Variants in APOBR observed in about 807,000 individuals in gnomAD.
APOBR encodes apoB-48R.
Under a neutral mutation model 88.5 loss-of-function variants are expected in APOBR, and 57 were observed. The ratio of observed to expected loss-of-function variants is 0.64; its 90% CI spans 0.52 to 0.80. APOBR has a LOEUF of 0.80. Ranked by LOEUF, APOBR falls within the 30% of genes least tolerant of loss-of-function variation. The pLI is 0.00. For missense variants in APOBR, 1,443 were observed against 1,401.6 expected, an observed-to-expected ratio of 1.03 and a Z score of -0.47; for synonymous variants, 588 against 572.7, an observed-to-expected ratio of 1.03 and a Z score of -0.38.
Position 28,497,512 on chromosome 16 carries a change from G to C in APOBR, c.2471G>C (p.Ser824Thr). The C allele has an allele frequency of 1.2e-6, 2 of 1,612,606 alleles. No homozygotes were observed. The highest frequency in any genetic ancestry group is 1.7e-6 in the Non-Finnish European group (2 of 1,179,318). ...GAGGAAGAGGTGACTGGCAGAGGCA[G>C]CCAAGTAGAGGCTTTTGAGTCCAGG... ...SAEEEVTGRG[S>T]QVEAFESREG... The change falls in exon 2 of 4, where the codon AGC becomes ACC. Residue 824 changes from serine to threonine, a missense_variant. Physicochemically the swap from Ser to Thr is moderately conservative, Grantham distance 58 (BLOSUM62 1). Transcript: ENST00000564831.
At position 28,495,386 on chromosome 16, in the gene APOBR, G is replaced by A. The variant is rs1311869874; in HGVS notation, c.345G>A (p.Arg115=). The change falls in exon 2 of 4, where the codon AGG becomes AGA. Residue 115 remains arginine, a synonymous_variant. Coordinates refer to ENST00000564831, the MANE Select transcript of APOBR (RefSeq NM_018690.4). The part of the protein sequence containing the change: ...DGSSHGSQAE[R]QDSGAGETAK... ...GCTCCCATGGGTCCCAAGCAGAGAG[G>A]CAGGACAGTGGGGCTGGGGAGACAG... The A allele has an allele frequency of 1.3e-6, 2 of 1,563,532 alleles. No individual in the cohort carries two copies. Among genetic ancestry groups the A allele is most frequent in the African/African-American group, 1.4e-5 (1 of 73,756 alleles).
chr16:28,495,256 G>A lies in APOBR; in HGVS notation c.215G>A (p.Gly72Asp). Reference protein sequence around the residue: ...EAQEDLEGLRGSQNEGAGRLR... With the variant: ...EAQEDLEGLRDSQNEGAGRLR... ...CAGGAGGACCTGGAGGGCCTTAGAGGCAGCCAAAACGAGGGGGCTGGAAGG... is the reference window on the plus strand; with the variant it reads ...CAGGAGGACCTGGAGGGCCTTAGAGACAGCCAAAACGAGGGGGCTGGAAGG... Residue 72 changes from glycine to aspartate, a missense_variant, in exon 2 of 4, where the codon GGC becomes GAC. Transcript: ENST00000564831. 6.5e-7 allele frequency: 1 copy of A among 1,530,588 alleles called. No individual in the cohort carries two copies. The highest frequency in any genetic ancestry group is 8.8e-7 in the Non-Finnish European group (1 of 1,141,046). 94.8% of individuals were successfully genotyped at this position (1,530,588 alleles called of 1,614,324 possible).
intron 3 of APOBR, 36 bp from the exon 4 acceptor site, chr16:28,498,400 G>A (rs1214568921): frequency 1.3e-6 from 2 of 1,599,824 alleles, no homozygotes; most frequent in Non-Finnish European, 1.7e-6. Context: ...CGGGCACCTG[G>A]GAACCTGTTC....
rs1197614293 is a variant in APOBR at position 28,497,722 on chromosome 16, G to A, written c.2681G>A (p.Arg894Lys). Residue 894 changes from arginine (R) to lysine (K), a missense_variant, in exon 2 of 4, where the codon AGA becomes AAA. Physicochemically the swap from Arg to Lys is conservative, Grantham distance 26. Transcript: ENST00000564831. ...LEEEAVGWQE[R>K]EQREDSEGRC... ...GAAGAGGCTGTTGGATGGCAGGAGA[G>A]AGAACAGAGGGAAGACAGTGAGGGG... The A allele has an allele frequency of 1.9e-6, 3 of 1,604,918 alleles. No individual in the cohort carries two copies. Among genetic ancestry groups the A allele is most frequent in the Non-Finnish European group, 2.6e-6 (3 of 1,175,960 alleles).
In APOBR at chr16:28,497,145, G is replaced by C; in HGVS notation, c.2104G>C (p.Glu702Gln). 1 of 1,606,492 alleles carries C rather than the reference G, an allele frequency of 6.2e-7. No individual in the cohort carries two copies. Among genetic ancestry groups the C allele is most frequent in the Non-Finnish European group, 8.5e-7 (1 of 1,176,922 alleles). Residue 702 changes from glutamate (E) to glutamine (Q), a missense_variant, in exon 2 of 4, where the codon GAG becomes CAG. Transcript: ENST00000564831. ...AGAGGCATCTGTCTCAGAGAACCAG[G>C]AGCTGGACGGAAGCACAGGGGCAGA... The part of the protein sequence containing the change: ...EGEASVSENQ[E>Q]LDGSTGADAG...
Position 28,496,067 on chromosome 16 carries a change from C to G in APOBR, c.1026C>G (p.Gly342=), listed in dbSNP as rs62034312. ...GGGAGGAGGCCGGGATAGCCTCAGG[C>G]GGGGAGGCTGGGACAGCCTCAGGAG... ...SGGEEAGIAS[G]GEAGTASGGE... The change falls in exon 2 of 4, where the codon GGC becomes GGG. Residue 342 remains glycine, a synonymous_variant. Transcript: ENST00000564831. The G allele has an allele frequency of 4.9e-5, 71 of 1,461,312 alleles. No homozygotes were observed. Among genetic ancestry groups the G allele is most frequent in the Admixed American group, 1.9e-4 (9 of 46,902 alleles). The allele number at this position is 1,461,312 out of a possible 1,614,324, so 90.5% of individuals were successfully genotyped here.
rs2046403989 is a variant in APOBR at position 28,497,644 on chromosome 16, T to C, written c.2603T>C (p.Met868Thr). 1 of 1,604,122 alleles carries C rather than the reference T, an allele frequency of 6.2e-7. No homozygotes were observed. The highest frequency in any genetic ancestry group is 8.5e-7 in the Non-Finnish European group (1 of 1,175,394). ...TCCCAGACAGCGAGGGCAGAGGGGA[T>C]GGGAGCCATGGTGGAGGCTGGGGGG... ...AGSQTARAEG[M>T]GAMVEAGGLL... Residue 868 changes from methionine to threonine, a missense_variant, in exon 2 of 4, where the codon ATG (methionine) becomes ACG (threonine). Coordinates refer to ENST00000564831, the MANE Select transcript of APOBR (RefSeq NM_018690.4).
Position 28,496,785 on chromosome 16 carries a change from G to A in APOBR, c.1744G>A (p.Ala582Thr), listed in dbSNP as rs1048993122. 1 of 1,571,792 alleles carries A rather than the reference G, an allele frequency of 6.4e-7. No homozygotes were observed. The highest frequency in any genetic ancestry group is 1.3e-5 in the African/African-American group (1 of 74,168). The change falls in exon 2 of 4, where the codon GCA (alanine) becomes ACA (threonine). Residue 582 changes from alanine to threonine, a missense_variant. By Grantham distance (58) the Ala-to-Thr change is moderately conservative. Coordinates refer to ENST00000564831, the MANE Select transcript of APOBR (RefSeq NM_018690.4). ...AACTAAGCAACCCGAGGAAAGGGAGGCAGGGGAGGTGGAGCTCATGGGAGT... is the reference window on the plus strand; with the variant it reads ...AACTAAGCAACCCGAGGAAAGGGAGACAGGGGAGGTGGAGCTCATGGGAGT... ...TPTKQPEERE[A>T]GEVELMGVLA...
At position 28,498,139 on chromosome 16, in the gene APOBR, C is replaced by T. The variant is rs760617437; in HGVS notation, c.3014C>T (p.Ser1005Leu). ...VSVPRSRVHL[S>L]RSSSQRRSRP... Reference sequence around the variant, plus strand: ...GTCCCAAGGAGTCGCGTGCACCTCTCGAGAAGCTCCTCACAGCGTCGCTCC... The same window carrying T: ...GTCCCAAGGAGTCGCGTGCACCTCTTGAGAAGCTCCTCACAGCGTCGCTCC... Residue 1005 changes from serine (S) to leucine (L), a missense_variant, in exon 3 of 4, where the codon TCG becomes TTG. Physicochemically the swap from Ser to Leu is moderately radical, Grantham distance 145 (BLOSUM62 -2). Transcript: ENST00000564831. The T allele has an allele frequency of 6.3e-6, 10 of 1,598,124 alleles. No homozygotes were observed. Among genetic ancestry groups the T allele is most frequent in the South Asian group, 4.4e-5 (4 of 90,818 alleles).
rs2046402374 is a variant in APOBR, at chr16:28,497,453, A to G, written c.2412A>G (p.Ala804=). 5 of 1,613,816 alleles carry G rather than the reference A, an allele frequency of 3.1e-6. No homozygotes were observed. The highest frequency in any genetic ancestry group is 3.3e-5 in the Admixed American group (2 of 59,982). Residue 804 remains alanine (A), a synonymous_variant, in exon 2 of 4, where the codon GCA becomes GCG. Coordinates refer to ENST00000564831, the MANE Select transcript of APOBR (RefSeq NM_018690.4). ...AAGAGGCAGCAGCAGGAGAGCATGC[A>G]GGTGGGCAAGAATTTGGTCTGGAGG... ...EKEEAAAGEH[A]GGQEFGLEGS...
chr16:28,496,468 TG>T lies in APOBR; in HGVS notation c.1431del (p.Ile478SerfsTer89). ...RGKEAEMRQD[L>X]GIRADRARME... ...AAGGAGGCTGAGATGAGGCAGGACT[TG>T]GGGATCAGGGCCGACCGGGCCAGGA... is the stretch of plus-strand genomic sequence containing the variant. On this transcript the variant is annotated frameshift_variant, in exon 2 of 4. Coordinates refer to ENST00000564831, the MANE Select transcript of APOBR (RefSeq NM_018690.4). LOFTEE classifies it high-confidence loss of function. The T allele has an allele frequency of 6.2e-7, 1 of 1,609,712 alleles. No individual in the cohort carries two copies. The highest frequency in any genetic ancestry group is 8.5e-7 in the Non-Finnish European group (1 of 1,177,984).
chr16:28,496,120 GGGA>G lies in APOBR; in HGVS notation c.1085_1087del (p.Glu362del), dbSNP rs1274473963. 1 of 1,529,546 alleles carries G rather than the reference GGGA, an allele frequency of 6.5e-7. No individual in the cohort carries two copies. The highest frequency in any genetic ancestry group is 8.8e-7 in the Non-Finnish European group (1 of 1,140,906). 94.7% of individuals were successfully genotyped at this position (1,529,546 alleles called of 1,614,324 possible). A position where few individuals can be genotyped will look rare whatever the true frequency, so the allele number is the denominator to read the frequency against. On this transcript the variant is annotated inframe_deletion, in exon 2 of 4. Transcript: ENST00000564831. ...GAGGAGGCCGGGACAGCCTCAGGAGGGGAGGAGGCCGGGACAGCCTCAGGAGGG... is the reference window on the plus strand; with the variant it reads ...GAGGAGGCCGGGACAGCCTCAGGAGGGGAGGCCGGGACAGCCTCAGGAGGG...
rs1274152422 is a variant in APOBR at position 28,495,771 on chromosome 16, G to T, written c.730G>T (p.Ala244Ser). 3 of 1,571,970 alleles carry T rather than the reference G, an allele frequency of 1.9e-6. No individual in the cohort carries two copies. The highest frequency in any genetic ancestry group is 1.3e-5 in the African/African-American group (1 of 74,246). The change falls in exon 2 of 4, where the codon GCT becomes TCT. Residue 244 changes from alanine to serine, a missense_variant. Physicochemically the swap from Ala to Ser is moderately conservative, Grantham distance 99. Coordinates refer to ENST00000564831, the MANE Select transcript of APOBR (RefSeq NM_018690.4). ...AACTGAGGAGCCTGGGGCCGAAGGG[G>T]CTGGGAAAGGAGAAGAGGTGGTAGT... ...GETEEPGAEG[A>S]GKGEEVVVVE... is the part of the protein sequence containing the mutation.
At position 28,498,183 on chromosome 16, in the gene APOBR, A is replaced by G. The variant is rs376388963; in HGVS notation, c.3058A>G (p.Thr1020Ala). 6 of 1,602,656 alleles carry G rather than the reference A, an allele frequency of 3.7e-6. No homozygotes were observed. In the African/African-American group the frequency reaches 6.7e-5, roughly 18 times the overall value. ...TCGCTCCCGGCCCTCTTTTCGTCGGACTCCGGCCTGGGAGCAGCAGGAGGA... is the reference window on the plus strand; with the variant it reads ...TCGCTCCCGGCCCTCTTTTCGTCGGGCTCCGGCCTGGGAGCAGCAGGAGGA... ...QRRSRPSFRR[T>A]PAWEQQEEPP... is the part of the protein sequence containing the mutation. Residue 1020 changes from threonine to alanine, a missense_variant, in exon 3 of 4, where the codon ACT (threonine) becomes GCT (alanine). Thr to Ala is a moderately conservative substitution (Grantham distance 58). Transcript: ENST00000564831.
rs766558049 is a variant in APOBR at position 28,495,507 on chromosome 16, GC to G, written c.469del (p.Gln157ArgfsTer11). 21 of 1,569,316 alleles carry G rather than the reference GC, an allele frequency of 1.3e-5. No individual in the cohort carries two copies. Among genetic ancestry groups the G allele is most frequent in the Non-Finnish European group, 1.8e-5 (21 of 1,157,440 alleles). On this transcript the variant is annotated frameshift_variant, in exon 2 of 4. Coordinates refer to ENST00000564831, the MANE Select transcript of APOBR (RefSeq NM_018690.4). LOFTEE classifies it high-confidence loss of function. ...GGCTTGCCAAGACAGGAGCGGCCAA[GC>G]CCAGGAGAGGCAGGAGTCCCATGAG... is the stretch of plus-strand genomic sequence containing the variant. ...SGACQDRSGQ[A>X]QERQESHEQE...
At position 28,496,030 on chromosome 16, in the gene APOBR, CAGCCTCGGGAGGGGAGGAGGCCGGGAT is replaced by C. The variant is rs778555683; in HGVS notation, c.996_1022del (p.Glu336_Glu344del). 10 of 1,587,774 alleles carry C rather than the reference CAGCCTCGGGAGGGGAGGAGGCCGGGAT, an allele frequency of 6.3e-6. No homozygotes were observed. Among genetic ancestry groups the C allele is most frequent in the African/African-American group, 4.1e-5 (3 of 74,046 alleles). On this transcript the variant is annotated inframe_deletion, in exon 2 of 4. Transcript: ENST00000564831. The stretch of plus-strand genomic sequence containing the variant: ...GCCTCAGGCGGGGAGGAGGCCGGGA[CAGCCTCGGGAGGGGAGGAGGCCGGGAT>C]AGCCTCAGGCGGGGAGGCTGGGACA...
In APOBR at chr16:28,495,861, G is replaced by T. The variant is rs1385489231; in HGVS notation, c.820G>T (p.Asp274Tyr). 6.2e-7 allele frequency: 1 copy of T among 1,610,572 alleles called. No homozygotes were observed. ...GTGGGGCCCAGGGGCAGAGCCTGAG[G>T]ACTGGGGAATCTTAGGCAGAGAGGA... is the stretch of plus-strand genomic sequence containing the variant. ...GTWGPGAEPEDWGILGREEAR... is the reference protein window; with the variant it reads ...GTWGPGAEPEYWGILGREEAR... The change falls in exon 2 of 4, where the codon GAC becomes TAC. Residue 274 changes from aspartate (D) to tyrosine (Y), a missense_variant. Physicochemically the swap from Asp to Tyr is radical, Grantham distance 160. Transcript: ENST00000564831.
chr16:28,494,960 C>G (rs1298860467), intron 1 of APOBR, 139 bp from the exon 2 acceptor site: 1 of 973,828 alleles, frequency 1.0e-6, no homozygotes, highest in Non-Finnish European at 1.5e-6. Flanking sequence ...CCCCTTCTGG[C>G]TCCTTCTGCA....
At position 28,497,440 on chromosome 16, in the gene APOBR, C is replaced by T; in HGVS notation, c.2399C>T (p.Ala800Val). 6.2e-7 allele frequency: 1 copy of T among 1,613,848 alleles called. No individual in the cohort carries two copies. Among genetic ancestry groups the T allele is most frequent in the Non-Finnish European group, 8.5e-7 (1 of 1,179,848 alleles). Residue 800 changes from alanine to valine, a missense_variant, in exon 2 of 4, where the codon GCA (alanine) becomes GTA (valine). Coordinates refer to ENST00000564831, the MANE Select transcript of APOBR (RefSeq NM_018690.4). ...WDSKEKEEAA[A>V]GEHAGGQEFG... is the part of the protein sequence containing the mutation. ...TCGAAAGAAAAGGAAGAGGCAGCAG[C>T]AGGAGAGCATGCAGGTGGGCAAGAA... is the stretch of plus-strand genomic sequence containing the variant.
Sources: gnomAD v4.1 joint callset for allele counts on GRCh38, gnomAD v4.1.1 for gene constraint, MANE v1.5 for transcripts, NCBI Gene and HGNC (gene_info 2026-07-23, HGNC 2026-07-21) for gene names.